PRPF40B: variants seen among roughly 807,000 people sequenced by gnomAD.
PRPF40B encodes pre-mRNA processing factor 40B.
A neutral mutation model predicts 124.5 loss-of-function variants in PRPF40B; 56 were observed. That is an observed-to-expected ratio of 0.45 (90% confidence interval 0.36 to 0.56). The LOEUF is 0.56. PRPF40B is among the 20% of genes least tolerant of loss of function. The pLI is 0.00. For synonymous variants in PRPF40B, 443 were observed against 426.4 expected (o/e 1.04, Z -0.48); for missense variants, 1,053 against 1,169.5 (o/e 0.90, Z 1.45).
At position 49,633,104 on chromosome 12, in the gene PRPF40B, G is replaced by A. The variant is rs1008375121; in HGVS notation, c.439G>A (p.Val147Met). Residue 147 changes from valine (V) to methionine (M), a missense_variant, in exon 7 of 26, where the codon GTG (valine) becomes ATG (methionine). This residue lies in a region of PRPF40B where 895 missense variants were observed against 1,052.2 expected (regional missense o/e 0.85). Coordinates refer to ENST00000548825, the MANE Select transcript of PRPF40B (RefSeq NM_001031698.3). ...DKQSVWEKPS[V>M]LKSKAELLLS... Reference sequence around the variant, plus strand: ...GCAGTCCGTGTGGGAGAAGCCCAGCGTGCTCAAGTCCAAGGCAGAGGTCCT... The same window carrying A: ...GCAGTCCGTGTGGGAGAAGCCCAGCATGCTCAAGTCCAAGGCAGAGGTCCT... 8 of 1,596,106 alleles carry A rather than the reference G, an allele frequency of 5.0e-6. No homozygotes were observed. Among genetic ancestry groups the A allele is most frequent in the East Asian group, 4.5e-5 (2 of 44,054 alleles).
At position 49,623,576 on chromosome 12, in the gene PRPF40B, C is replaced by T. The variant is rs1440045556; in HGVS notation, c.-15C>T. The T allele has an allele frequency of 2.4e-6, 3 of 1,236,134 alleles. No individual in the cohort carries two copies. The highest frequency in any genetic ancestry group is 4.2e-5 in the Admixed American group (1 of 23,666). 76.6% of individuals were successfully genotyped at this position (1,236,134 alleles called of 1,614,324 possible). The stretch of plus-strand genomic sequence containing the variant: ...CGGGTGGGCTGAGCCGGCCCAGCTG[C>T]TCGGAGGCTCTGGCATGGTAACATC... On this transcript the variant is annotated 5_prime_UTR_variant, in exon 1 of 26. Coordinates refer to ENST00000548825, the MANE Select transcript of PRPF40B (RefSeq NM_001031698.3).
intron 18 of PRPF40B, chr12:49,640,575 G>C (rs1942493858): frequency 6.6e-6 from 1 of 151,096 alleles, no homozygotes; most frequent in African/African-American, 2.4e-5. Flanking sequence ...GGCAGCACAT[G>C]TTTTAGAGTC....
In PRPF40B at chr12:49,643,241, G is replaced by A; in HGVS notation, c.2224G>A (p.Glu742Lys). ...TGCCCAGGGCTCTGAGTCAGAAGAA[G>A]AGGAGCTGCCCCCACCATCTCTCCG... ...HSPSGSESEEEELPPPSLRPP... is the reference protein window; with the variant it reads ...HSPSGSESEEKELPPPSLRPP... Residue 742 changes from glutamate to lysine, a missense_variant, in exon 23 of 26, where the codon GAG becomes AAG. Glu to Lys is a moderately conservative substitution (Grantham distance 56). Coordinates refer to ENST00000548825, the MANE Select transcript of PRPF40B (RefSeq NM_001031698.3). 1 of 1,614,124 alleles carries A rather than the reference G, an allele frequency of 6.2e-7. No homozygotes were observed. The highest frequency in any genetic ancestry group is 8.5e-7 in the Non-Finnish European group (1 of 1,180,024).
intron 18 of PRPF40B, 63 bp from the exon 19 acceptor site, chr12:49,641,845 C>CA: frequency 7.2e-7 from 1 of 1,394,728 alleles, no homozygotes; most frequent in Admixed American, 1.7e-5. Context: ...TGTGACCACT[C>CA]TGCCTGCCAG....
chr12:49,629,526 C>T (rs770529906), intron 1 of PRPF40B, among the ~76,000 whole-genome samples: 2 of 152,112 alleles, frequency 1.3e-5, no homozygotes, highest in African/African-American at 4.8e-5. Flanking sequence ...GTTTGTTCTT[C>T]GTTCGTTCAA....
At position 49,643,841 on chromosome 12, in the gene PRPF40B, T is replaced by G; in HGVS notation, c.2443-20T>G. 2 of 1,614,042 alleles carry G rather than the reference T, an allele frequency of 1.2e-6. No homozygotes were observed. Among genetic ancestry groups the G allele is most frequent in the Non-Finnish European group, 1.7e-6 (2 of 1,179,980 alleles). Reference sequence around the variant, plus strand: ...AGGCTATCCACAGGAACTGAGGAGGTGGGCTCTGGACTCTTACAGAATAGT... The same window carrying G: ...AGGCTATCCACAGGAACTGAGGAGGGGGGCTCTGGACTCTTACAGAATAGT... On this transcript the variant is annotated intron_variant, in intron 24 of 25. Transcript: ENST00000548825.
chr12:49,634,423 A>G lies in PRPF40B; in HGVS notation c.904A>G (p.Lys302Glu). The change falls in exon 11 of 26, where the codon AAG (lysine) becomes GAG (glutamate). Residue 302 changes from lysine (K) to glutamate (E), a missense_variant. Transcript: ENST00000548825. ...GLSWSNREKA[K>E]QAFKELLRDK... ...CAGTTGGAGCAACCGGGAGAAGGCA[A>G]AGCAGGCATTCAAGGAACTGCTGAG... The G allele has an allele frequency of 6.2e-7, 1 of 1,614,186 alleles. No individual in the cohort carries two copies. The highest frequency in any genetic ancestry group is 8.5e-7 in the Non-Finnish European group (1 of 1,180,002).
intron 7 of PRPF40B, 106 bp from the exon 8 acceptor site, chr12:49,633,321 T>C: frequency 6.7e-7 from 1 of 1,483,608 alleles, no homozygotes; most frequent in South Asian, 1.3e-5. Context: ...GGCCAGGTGG[T>C]AGCTAAAGGT....
At chr12:49,634,730 G>A (rs1384173679) in intron 12 of PRPF40B, 128 bp downstream of exon 12, 1 of 1,193,494 alleles carries the variant, frequency 8.4e-7, no homozygotes, top group Non-Finnish European at 1.2e-6. Context: ...ATTGGGTTGG[G>A]GTGCAAGGGG....
In PRPF40B at chr12:49,637,576, G is replaced by A; in HGVS notation, c.1667G>A (p.Gly556Asp). The A allele has an allele frequency of 6.2e-7, 1 of 1,613,454 alleles. No homozygotes were observed. Among genetic ancestry groups the A allele is most frequent in the Non-Finnish European group, 8.5e-7 (1 of 1,179,970 alleles). Residue 556 changes from glycine (G) to aspartate (D), a missense_variant, in exon 17 of 26, where the codon GGC becomes GAC. This residue lies in a region of PRPF40B where 895 missense variants were observed against 1,052.2 expected (regional missense o/e 0.85). Coordinates refer to ENST00000548825, the MANE Select transcript of PRPF40B (RefSeq NM_001031698.3). The part of the protein sequence containing the change: ...STDVRFANML[G>D]QPGSTPLDLF... ...GATGTCCGCTTTGCCAACATGCTGGGCCAGCCGGGTAAGGCAGCCAGGCTC... is the reference window on the plus strand; with the variant it reads ...GATGTCCGCTTTGCCAACATGCTGGACCAGCCGGGTAAGGCAGCCAGGCTC...
At chr12:49,633,768 T>C in intron 9 of PRPF40B, 107 bp downstream of exon 9, 1 of 1,605,888 alleles carries the variant, frequency 6.2e-7, no homozygotes, top group East Asian at 2.2e-5. Flanking sequence ...CAGCTCTGTC[T>C]CCTTGTGGAG....
chr12:49,624,182 C>G, intron 1 of PRPF40B: 1 of 984,492 alleles, frequency 1.0e-6, no homozygotes, highest in Non-Finnish European at 1.2e-6. Flanking sequence ...CAAGTCACTA[C>G]CTTTCTTTGG....
Position 49,633,430 on chromosome 12 carries a change from C to T in PRPF40B, c.463C>T (p.Leu155Phe). The change falls in exon 8 of 26, where the codon CTC (leucine) becomes TTC (phenylalanine). Residue 155 changes from leucine to phenylalanine, a missense_variant. By Grantham distance (22) the Leu-to-Phe change is conservative. This residue lies in a region of PRPF40B where 895 missense variants were observed against 1,052.2 expected (regional missense o/e 0.85). Transcript: ENST00000548825. ...CTCCTATCCCATCCACTTGCAGCTG[C>T]TCCTGTCCCAATGTCCCTGGAAAGA... ...PSVLKSKAEL[L>F]LSQCPWKEYK... The T allele has an allele frequency of 6.2e-7, 1 of 1,614,208 alleles. No individual in the cohort carries two copies. The highest frequency in any genetic ancestry group is 1.1e-5 in the South Asian group (1 of 91,082).
At position 49,633,276 on chromosome 12, in the gene PRPF40B, G is replaced by A. The variant is rs557781693; in HGVS notation, c.460-151G>A. ...ACCCTCCCTGGAAATGCCTCCATAG[G>A]ATCTCAAGAAGTCCACCTTCCCCAG... On this transcript the variant is annotated intron_variant, in intron 7 of 25. Coordinates refer to ENST00000548825, the MANE Select transcript of PRPF40B (RefSeq NM_001031698.3). The A allele has an allele frequency of 7.7e-6, 10 of 1,293,664 alleles. No individual in the cohort carries two copies. The South Asian group carries it at 1.4e-4, about 18-fold the overall frequency. The allele number at this position is 1,293,664 out of a possible 1,614,324, so 80.1% of individuals were successfully genotyped here. A position where few individuals can be genotyped will look rare whatever the true frequency, so the allele number is the denominator to read the frequency against.
At position 49,623,937 on chromosome 12, in the gene PRPF40B, G is replaced by A. The variant is rs1355719812; in HGVS notation, c.3+344G>A. 3.5e-6 allele frequency: 4 copies of A among 1,127,146 alleles called. No homozygotes were observed. In the East Asian group the frequency reaches 1.3e-4, roughly 38 times the overall value. 69.8% of individuals were successfully genotyped at this position (1,127,146 alleles called of 1,614,324 possible). On this transcript the variant is annotated intron_variant, in intron 1 of 25. Coordinates refer to ENST00000548825, the MANE Select transcript of PRPF40B (RefSeq NM_001031698.3). ...GATGAGGGGACTGAGGGGACCAGGG[G>A]ACAGGTGGGGACCAGTTTCCCCTCC...
In PRPF40B at chr12:49,630,622, CT is replaced by C; in HGVS notation, c.83del (p.Phe28SerfsTer19). On this transcript the variant is annotated frameshift_variant and splice_region_variant, in exon 2 of 26. Transcript: ENST00000548825. LOFTEE classifies it high-confidence loss of function. ...PPGPPMMPPP[F>X]MPPPGIPPPF... ...CGGGGCCCCCCATGATGCCACCACC[CT>C]TCGTAAGTTTTATGTCTTTCCCTGG... is the stretch of plus-strand genomic sequence containing the variant. 1 of 1,308,096 alleles carries C rather than the reference CT, an allele frequency of 7.6e-7. No individual in the cohort carries two copies. Among genetic ancestry groups the C allele is most frequent in the Non-Finnish European group, 1.1e-6 (1 of 902,642 alleles). 81.0% of individuals were successfully genotyped at this position (1,308,096 alleles called of 1,614,324 possible).
chr12:49,636,691 C>T (rs545428941), intron 15 of PRPF40B, 25 bp from the exon 16 acceptor site: 68 of 1,613,190 alleles, frequency 4.2e-5, no homozygotes, highest in South Asian at 2.0e-4. Context: ...GGACAATGCC[C>T]GCGGAACCTC....
chr12:49,627,535 G>A (rs1200414836), intron 1 of PRPF40B, among the ~76,000 whole-genome samples: 3 of 152,174 alleles, frequency 2.0e-5, no homozygotes, highest in Admixed American at 6.5e-5. Context: ...GATGCCTGAG[G>A]TGGGAGAGCT....
At chr12:49,630,504 G>T (rs1418608589) in intron 1 of PRPF40B, 41 bp from the exon 2 acceptor site, 1 of 845,774 alleles carries the variant, frequency 1.2e-6, no homozygotes. Flanking sequence ...GCCCATCTCT[G>T]TGCCCATCCT....
Sources: gnomAD v4.1 joint callset for allele counts (sites outside exome capture counted in the v4.1 genomes callset) on GRCh38, gnomAD v4.1.1 for gene constraint, gnomAD v4.1.1 regional missense constraint, MANE v1.5 for transcripts, NCBI Gene and HGNC (gene_info 2026-07-23, HGNC 2026-07-21) for gene names.